The following DAB1 variants were observed in gnomAD, a reference collection of about 807,000 sequenced individuals.
DAB1 encodes DAB adaptor protein 1, also known as disabled homolog 1.
DAB1 carries 15 observed loss-of-function variants against 64.6 expected under a neutral mutation model. The ratio of observed to expected loss-of-function variants is 0.23; its 90% confidence interval spans 0.16 to 0.36. The LOEUF (loss-of-function observed/expected upper bound fraction) is 0.36, where lower values mean the gene tolerates loss of function less well. Ranked by LOEUF, DAB1 falls within the 10% of genes least tolerant of loss-of-function variation. The probability of loss-of-function intolerance (pLI) is 1.00; values close to 1 mark genes in which losing one functional copy is unlikely to be tolerated. For synonymous variants in DAB1, 235 were observed against 251.9 expected (o/e 0.93, Z 0.64); for missense variants, 596 against 706.7 (o/e 0.84, Z 1.78).
chr1:58,445,805 C>CA (rs1645058827), intron 3 of DAB1, among the ~76,000 whole-genome samples: 1 of 152,050 alleles, frequency 6.6e-6, no homozygotes. Context: ...TTGTTATTCC[C>CA]AAAAAACATA....
intron 7 of DAB1, among the ~76,000 whole-genome samples, chr1:57,574,809 C>T (rs551991826): frequency 3.3e-4 from 50 of 152,286 alleles, no homozygotes; most frequent in African/African-American, 1.0e-3. Context: ...CTGGGCATAG[C>T]AGAATCCACA....
chr1:58,056,805 C>T (rs1335449652), intron 5 of DAB1, among the ~76,000 whole-genome samples: 1 of 152,084 alleles, frequency 6.6e-6, no homozygotes, highest in Non-Finnish European at 1.5e-5. Flanking sequence ...CCTTTGTAGT[C>T]ACCTTAGGAT....
chr1:57,500,753 C>G (rs912830079), intron 7 of DAB1, among the ~76,000 whole-genome samples: 3 of 152,132 alleles, frequency 2.0e-5, no homozygotes, highest in Admixed American at 6.6e-5. Flanking sequence ...AAAAAAAAAT[C>G]TGCCTTTGGT....
chr1:57,748,797 T>C (rs1188358259), intron 6 of DAB1, among the ~76,000 whole-genome samples: 1 of 152,144 alleles, frequency 6.6e-6, no homozygotes, highest in African/African-American at 2.4e-5. Context: ...TTTGAGTCTA[T>C]AGCAATATCC....
chr1:57,706,932 G>T (rs931754003), intron 6 of DAB1, among the ~76,000 whole-genome samples: 1 of 151,996 alleles, frequency 6.6e-6, no homozygotes, highest in Non-Finnish European at 1.5e-5. Context: ...AAATTAGCCG[G>T]GCGTGGTGGC....
chr1:57,574,492 G>A (rs2101539400), intron 7 of DAB1, among the ~76,000 whole-genome samples: 1 of 152,288 alleles, frequency 6.6e-6, no homozygotes, highest in African/African-American at 2.4e-5. Context: ...GAAGAGAAAA[G>A]TAACTTCAAA....
In DAB1 at chr1:58,165,321, C is replaced by T. The variant is rs142022204; in HGVS notation, n.310-14733G>A. Reference sequence around the variant, plus strand: ...CCGGAGGGATGTGAGAGTGTGACCCCACTGTGTGAGGAACCCTCAAGGACC... The same window carrying T: ...CCGGAGGGATGTGAGAGTGTGACCCTACTGTGTGAGGAACCCTCAAGGACC... On this transcript the variant is annotated intron_variant and non_coding_transcript_variant, in intron 4 of 20. Transcript: ENST00000485760. Among the ~76,000 whole-genome samples the T allele has an allele frequency of 1.5e-3, 231 of 152,264 alleles. 1 individual carries two copies. The highest frequency in any genetic ancestry group is 5.4e-3 in the African/African-American group (223 of 41,558).
intron 7 of DAB1, among the ~76,000 whole-genome samples, chr1:57,576,445 G>A (rs1262209504): frequency 6.6e-6 from 1 of 152,178 alleles, no homozygotes; most frequent in African/African-American, 2.4e-5. Flanking sequence ...CTTATAAGAA[G>A]AAGACAGAGA....
intron 6 of DAB1, among the ~76,000 whole-genome samples, chr1:57,777,609 C>T (rs901646218): frequency 6.6e-6 from 1 of 151,842 alleles, no homozygotes; most frequent in Non-Finnish European, 1.5e-5. Flanking sequence ...TATTTCAACT[C>T]TAGAAGTTTT....
rs115335770 is a variant in DAB1 at position 57,692,975 on chromosome 1, C to G, written n.552-43310G>C. Among the ~76,000 whole-genome samples, 1,281 of 152,294 alleles carry G rather than the reference C, an allele frequency of 8.4e-3. 14 individuals carry two copies. The highest frequency in any genetic ancestry group is 0.015 in the Admixed American group (228 of 15,286). Reference sequence around the variant, plus strand: ...CTTCTCCCCTTTCTAGGTCCCATAACAGCCATCTTGCTATTACTCACCTTT... The same window carrying G: ...CTTCTCCCCTTTCTAGGTCCCATAAGAGCCATCTTGCTATTACTCACCTTT... On this transcript the variant is annotated intron_variant and non_coding_transcript_variant, in intron 6 of 20. Coordinates refer to the DAB1 transcript ENST00000485760.
Position 57,544,552 on chromosome 1 carries a change from T to C in DAB1, n.625+105040A>G, listed in dbSNP as rs184265314. Among the ~76,000 whole-genome samples the C allele has an allele frequency of 1.1e-4, 16 of 152,316 alleles. No homozygotes were observed. The East Asian group carries it at 3.1e-3, about 29-fold the overall frequency. On this transcript the variant is annotated intron_variant and non_coding_transcript_variant, in intron 7 of 20. Coordinates refer to the DAB1 transcript ENST00000485760. ...TTTCATCCCACACTCTGTTCCCACA[T>C]AGCGGCCAGAGTGGTCCTTATAAAA...
intron 6 of DAB1, among the ~76,000 whole-genome samples, chr1:57,779,447 T>C (rs1024313503): frequency 1.3e-5 from 2 of 152,150 alleles, no homozygotes; most frequent in African/African-American, 4.8e-5. Context: ...TGAAGTGCCA[T>C]GGAAAGAATC....
chr1:57,445,044 G>A (rs918980363), intron 7 of DAB1, among the ~76,000 whole-genome samples: 3 of 152,070 alleles, frequency 2.0e-5, no homozygotes, highest in African/African-American at 7.2e-5. Flanking sequence ...AAAACAGTTG[G>A]TGCTCAAATT....
chr1:57,770,222 C>T (rs1487179758), intron 6 of DAB1, among the ~76,000 whole-genome samples: 1 of 152,112 alleles, frequency 6.6e-6, no homozygotes, highest in Admixed American at 6.6e-5. Context: ...ATTGGCCTCA[C>T]AGGATTGTTG....
At chr1:58,032,143 C>T (rs1405951511) in intron 5 of DAB1, among the ~76,000 whole-genome samples, 1 of 151,922 alleles carries the variant, frequency 6.6e-6, no homozygotes, top group Non-Finnish European at 1.5e-5. Context: ...CCAGCCAGAC[C>T]CTAGTGCTAG....
intron 6 of DAB1, among the ~76,000 whole-genome samples, chr1:57,650,650 CTT>C (rs981594505): frequency 6.6e-6 from 1 of 152,096 alleles, no homozygotes; most frequent in Non-Finnish European, 1.5e-5. Flanking sequence ...TTATTTTTCT[CTT>C]GTTTCTTTAT....
intron 7 of DAB1, among the ~76,000 whole-genome samples, chr1:57,449,560 G>A (rs1155680): frequency 6.6e-6 from 1 of 151,714 alleles, no homozygotes; most frequent in Non-Finnish European, 1.5e-5. Flanking sequence ...TTTATTTTTT[G>A]TAGAGATGGG....
At chr1:57,229,056 G>T (rs1667478266) in intron 2 of DAB1, among the ~76,000 whole-genome samples, 1 of 152,084 alleles carries the variant, frequency 6.6e-6, no homozygotes, top group Admixed American at 6.6e-5. Context: ...TTCATTTTAG[G>T]TACATAATAT....
chr1:57,941,663 C>T (rs985250496), intron 5 of DAB1, among the ~76,000 whole-genome samples: 1 of 152,084 alleles, frequency 6.6e-6, no homozygotes, highest in Non-Finnish European at 1.5e-5. Flanking sequence ...GGTGAAACCC[C>T]ATCTCTACTA....
Sources: allele counts gnomAD v4.1 joint callset (sites outside exome capture counted in the v4.1 genomes callset), GRCh38; gene constraint gnomAD v4.1.1; transcripts MANE v1.5; gene names NCBI Gene and HGNC (gene_info 2026-07-23, HGNC 2026-07-21).